Variants in TBC1D2B observed in about 807,000 individuals in gnomAD.
TBC1D2B encodes TBC1 domain family, member 2B.
In TBC1D2B, 64 loss-of-function variants were observed where a neutral mutation model predicts 100.8. The ratio of observed to expected loss-of-function variants is 0.64; its 90% CI spans 0.52 to 0.78. The LOEUF (loss-of-function observed/expected upper bound fraction) is 0.78, where lower values mean the gene tolerates loss of function less well. Among genes scored for constraint, TBC1D2B ranks in the 30% least tolerant of loss-of-function variants. TBC1D2B has a pLI of 0.00. For synonymous variants in TBC1D2B, 480 were observed against 479.7 expected (o/e 1.00, Z -0.01); for missense variants, 1,052 against 1,218.4 (o/e 0.86, Z 2.03).
intron 12 of TBC1D2B, among the ~76,000 whole-genome samples, chr15:78,000,433 G>A (rs112468468): frequency 1.3e-5 from 2 of 152,198 alleles, no homozygotes; most frequent in African/African-American, 2.4e-5. Flanking sequence ...TGTCACTCTC[G>A]GCAATCCTGA....
At chr15:78,042,668 G>T (rs1318056259) in intron 3 of TBC1D2B, among the ~76,000 whole-genome samples, 1 of 152,192 alleles carries the variant, frequency 6.6e-6, no homozygotes, top group Non-Finnish European at 1.5e-5. Flanking sequence ...GACTTAATCA[G>T]ATGGCACAGG....
At chr15:78,071,220 G>A (rs2073738588) in intron 1 of TBC1D2B, among the ~76,000 whole-genome samples, 2 of 151,948 alleles carry the variant, frequency 1.3e-5, no homozygotes, top group South Asian at 2.1e-4. Flanking sequence ...CTCCCATTTC[G>A]GCCTCCCAAA....
chr15:78,069,906 C>T (rs2073718083), intron 1 of TBC1D2B, among the ~76,000 whole-genome samples: 1 of 152,190 alleles, frequency 6.6e-6, no homozygotes, highest in Non-Finnish European at 1.5e-5. Context: ...TTCCCAGCCT[C>T]CAGAACTATG....
chr15:78,025,433 C>T lies in TBC1D2B; in HGVS notation c.912G>A (p.Leu304=). Residue 304 remains leucine (L), a synonymous_variant, in exon 5 of 13, where the codon TTG becomes TTA. Coordinates refer to ENST00000300584, the MANE Select transcript of TBC1D2B (RefSeq NM_144572.2). ...GRNPYKGKRP[L]KDIIGSYKNR... Reference sequence around the variant, plus strand: ...TTTTGTACGACCCAATTATGTCTTTCAAAGGGCGCTTTCCTTTGTAGGGGT... The same window carrying T: ...TTTTGTACGACCCAATTATGTCTTTTAAAGGGCGCTTTCCTTTGTAGGGGT... 2.5e-6 allele frequency: 4 copies of T among 1,613,936 alleles called. No individual in the cohort carries two copies. Among genetic ancestry groups the T allele is most frequent in the Non-Finnish European group, 3.4e-6 (4 of 1,179,884 alleles).
intron 3 of TBC1D2B, among the ~76,000 whole-genome samples, chr15:78,037,955 C>A (rs1183645036): frequency 6.6e-6 from 1 of 152,114 alleles, no homozygotes; most frequent in Non-Finnish European, 1.5e-5. Flanking sequence ...CCCAGGAAGC[C>A]AAACAGAAAG....
At chr15:78,063,712 A>C (rs148832320) in intron 1 of TBC1D2B, among the ~76,000 whole-genome samples, 251 of 152,262 alleles carry the variant, frequency 1.6e-3, no homozygotes, top group Middle Eastern at 6.8e-3. Flanking sequence ...AGCAATAACA[A>C]CACCACACAC....
rs200747847 is a variant in TBC1D2B, at chr15:78,045,933, CT to C, written c.515-866del. Among the ~76,000 whole-genome samples, 1,474 of 151,424 alleles carry C rather than the reference CT, an allele frequency of 9.7e-3. 16 individuals are homozygous for C. Among genetic ancestry groups the C allele is most frequent in the Non-Finnish European group, 0.014 (931 of 67,802 alleles). On this transcript the variant is annotated intron_variant, in intron 2 of 12. Coordinates refer to ENST00000300584, the MANE Select transcript of TBC1D2B (RefSeq NM_144572.2). ...TTTTGTTTTTGATAAAAACATTTTT[CT>C]TTTTTTTTCCCCCATAGACGGAGTT...
intron 3 of TBC1D2B, among the ~76,000 whole-genome samples, chr15:78,036,844 G>A (rs1274299507): frequency 6.6e-6 from 1 of 152,212 alleles, no homozygotes; most frequent in East Asian, 1.9e-4. Flanking sequence ...GCTGCTTTCT[G>A]TTGTGGTCCA....
intron 1 of TBC1D2B, among the ~76,000 whole-genome samples, chr15:78,074,550 G>C (rs2073797592): frequency 6.6e-6 from 1 of 152,098 alleles, no homozygotes; most frequent in African/African-American, 2.4e-5. Flanking sequence ...ATATACCTAT[G>C]ACCCAGTCCA....
chr15:78,021,951 C>T (rs925020288), intron 6 of TBC1D2B, among the ~76,000 whole-genome samples: 11 of 152,326 alleles, frequency 7.2e-5, no homozygotes, highest in East Asian at 1.9e-4. Context: ...GCTCGCTCCC[C>T]GGGAAAACCT....
chr15:78,057,191 T>C (rs1470410549), intron 1 of TBC1D2B, among the ~76,000 whole-genome samples: 1 of 151,442 alleles, frequency 6.6e-6, no homozygotes, highest in African/African-American at 2.5e-5. Context: ...CTGAGTCATC[T>C]CTCACTAAAT....
chr15:78,051,127 T>C (rs926828658), intron 2 of TBC1D2B, among the ~76,000 whole-genome samples: 6 of 152,190 alleles, frequency 3.9e-5, no homozygotes, highest in Non-Finnish European at 8.8e-5. Context: ...GTGGCACTAG[T>C]GAGTAGCTAT....
chr15:78,046,863 CAGAG>C (rs78706166), intron 2 of TBC1D2B, among the ~76,000 whole-genome samples: 8,315 of 152,278 alleles, frequency 0.055, 282 homozygotes, highest in Middle Eastern at 0.13. Flanking sequence ...GTAAAGGAAA[CAGAG>C]AGCAGGCATT....
Position 78,024,174 on chromosome 15 carries a change from C to T in TBC1D2B, c.1452G>A (p.Leu484=). The T allele has an allele frequency of 6.2e-7, 1 of 1,612,972 alleles. No individual in the cohort carries two copies. Among genetic ancestry groups the T allele is most frequent in the Middle Eastern group, 1.7e-4 (1 of 6,060 alleles). Reference sequence around the variant, plus strand: ...CTCTTACTTTCAGCCTGTCCAGTTCCAGCTGGTCCCTGGCAACAGGCACAA... The same window carrying T: ...CTCTTACTTTCAGCCTGTCCAGTTCTAGCTGGTCCCTGGCAACAGGCACAA... The part of the protein sequence containing the change: ...PSVVPVARDQ[L]ELDRLKDNLQ... The change falls in exon 6 of 13, where the codon CTG becomes CTA. Residue 484 remains leucine (L), a synonymous_variant. Coordinates refer to ENST00000300584, the MANE Select transcript of TBC1D2B (RefSeq NM_144572.2).
At chr15:78,014,196 G>C (rs938299126) in intron 8 of TBC1D2B, among the ~76,000 whole-genome samples, 2 of 152,138 alleles carry the variant, frequency 1.3e-5, no homozygotes, top group Non-Finnish European at 2.9e-5. Context: ...ATTAAACTTG[G>C]ATTTTAATCC....
In TBC1D2B at chr15:78,075,346, C is replaced by T. The variant is rs577951661; in HGVS notation, c.360+1947G>A. On this transcript the variant is annotated intron_variant, in intron 1 of 12. Transcript: ENST00000300584. Reference sequence around the variant, plus strand: ...CCCGAATAACTGGGACTACAGGCACCCGCCACCATGCCTGGCTAATTTTTT... The same window carrying T: ...CCCGAATAACTGGGACTACAGGCACTCGCCACCATGCCTGGCTAATTTTTT... Among the ~76,000 whole-genome samples, 3 of 152,078 alleles carry T rather than the reference C, an allele frequency of 2.0e-5. No homozygotes were observed. In the South Asian group the frequency reaches 6.2e-4, roughly 32 times the overall value.
chr15:78,041,244 A>G (rs2073088924), intron 3 of TBC1D2B, among the ~76,000 whole-genome samples: 1 of 152,142 alleles, frequency 6.6e-6, no homozygotes, highest in Non-Finnish European at 1.5e-5. Context: ...TTTATATTTC[A>G]CGGGTTTAGT....
chr15:77,998,141 A>C lies in TBC1D2B; in HGVS notation c.*19T>G. On this transcript the variant is annotated 3_prime_UTR_variant, in exon 13 of 13. Coordinates refer to ENST00000300584, the MANE Select transcript of TBC1D2B (RefSeq NM_144572.2). ...ACACTTTGGTTGTGAAGGAAGGAAG[A>C]GCAGCATCCCGAGCCCACTCAGGTA... 1 of 1,492,650 alleles carries C rather than the reference A, an allele frequency of 6.7e-7. No individual in the cohort carries two copies. Among genetic ancestry groups the C allele is most frequent in the East Asian group, 2.6e-5 (1 of 38,308 alleles). The allele number at this position is 1,492,650 out of a possible 1,614,324, so 92.5% of individuals were successfully genotyped here. A position where few individuals can be genotyped will look rare whatever the true frequency, so the allele number is the denominator to read the frequency against.
In TBC1D2B at chr15:78,003,438, TGC is replaced by T; in HGVS notation, c.2439_2440del (p.His814TrpfsTer4). 6.2e-7 allele frequency: 1 copy of T among 1,613,666 alleles called. No homozygotes were observed. Among genetic ancestry groups the T allele is most frequent in the Non-Finnish European group, 8.5e-7 (1 of 1,179,656 alleles). On this transcript the variant is annotated frameshift_variant, in exon 11 of 13. Transcript: ENST00000300584. LOFTEE classifies it high-confidence loss of function. ...GACTTTGTACTGTTCAAAGTGGCCA[TGC>T]AACCGAGGCAGCTTCTCACTCATAA...
Sources: gnomAD v4.1 joint callset for allele counts (sites outside exome capture counted in the v4.1 genomes callset) on GRCh38, gnomAD v4.1.1 for gene constraint, MANE v1.5 for transcripts, NCBI Gene and HGNC (gene_info 2026-07-23, HGNC 2026-07-21) for gene names.